Variants in HECW2 observed in about 807,000 individuals in gnomAD.
HECW2 encodes E3 ubiquitin-protein ligase HECW2.
A neutral mutation model predicts 175.2 loss-of-function variants in HECW2; 61 were observed. The ratio of observed to expected loss-of-function variants is 0.35; its 90% CI spans 0.28 to 0.43. The LOEUF is 0.43. Ranked by LOEUF, HECW2 falls within the 20% of genes least tolerant of loss-of-function variation. The probability of loss-of-function intolerance (pLI) is 1.00; values close to 1 mark genes in which losing one functional copy is unlikely to be tolerated. For synonymous variants in HECW2, 671 were observed against 731.0 expected (o/e 0.92, Z 1.32); for missense variants, 1,524 against 2,000.5 (o/e 0.76, Z 4.54).
At chr2:196,395,391 A>C (rs6754939) in intron 2 of HECW2, among the ~76,000 whole-genome samples, 1 of 152,048 alleles carries the variant, frequency 6.6e-6, no homozygotes, top group East Asian at 1.9e-4. Flanking sequence ...ACTCTTGTAC[A>C]TCAAAAAACA....
At chr2:196,459,831 C>T (rs567175831) in intron 1 of HECW2, among the ~76,000 whole-genome samples, 22 of 152,226 alleles carry the variant, frequency 1.4e-4, no homozygotes, top group African/African-American at 4.8e-4. Flanking sequence ...GTCAGAGATC[C>T]GAAAATTCCA....
At chr2:196,572,872 T>G (rs76760507) in intron 1 of HECW2, among the ~76,000 whole-genome samples, 20,497 of 152,222 alleles carry the variant, frequency 0.13, 1,483 homozygotes, top group Middle Eastern at 0.24. Flanking sequence ...CACTCTGATC[T>G]TGGTTGTCCA....
chr2:196,481,516 C>T (rs1435223794), intron 1 of HECW2, among the ~76,000 whole-genome samples: 2 of 152,344 alleles, frequency 1.3e-5, no homozygotes, highest in East Asian at 3.9e-4. Context: ...AGAGATCTCA[C>T]AGAGTATTGC....
At chr2:196,347,621 G>A (rs138222445) in intron 2 of HECW2, among the ~76,000 whole-genome samples, 8 of 152,262 alleles carry the variant, frequency 5.3e-5, no homozygotes, top group East Asian at 3.9e-4. Context: ...TTCCATATAC[G>A]ACAAAAAATG....
At chr2:196,474,677 T>C (rs538799809) in intron 1 of HECW2, among the ~76,000 whole-genome samples, 5 of 152,224 alleles carry the variant, frequency 3.3e-5, no homozygotes, top group Non-Finnish European at 7.3e-5. Flanking sequence ...TGTCATTTCA[T>C]ATCTGACAAT....
At chr2:196,476,177 C>T (rs186578485) in intron 1 of HECW2, among the ~76,000 whole-genome samples, 164 of 151,670 alleles carry the variant, frequency 1.1e-3, no homozygotes, top group Middle Eastern at 3.4e-3. Context: ...GGAGCAGTGG[C>T]TCATGCCTGT....
chr2:196,487,905 C>T (rs1687061723), intron 1 of HECW2, among the ~76,000 whole-genome samples: 1 of 152,154 alleles, frequency 6.6e-6, no homozygotes, highest in South Asian at 2.1e-4. Flanking sequence ...TCTTTCAGGA[C>T]ATTTCTATTT....
intron 22 of HECW2, among the ~76,000 whole-genome samples, chr2:196,226,767 T>G (rs1687866485): frequency 6.6e-6 from 1 of 152,188 alleles, no homozygotes; most frequent in Admixed American, 6.5e-5. Context: ...CCTATCCCTA[T>G]TCTCTCTCAA....
chr2:196,240,578 C>T lies in HECW2; in HGVS notation c.3651-16G>A. The T allele has an allele frequency of 1.3e-6, 2 of 1,566,610 alleles. No homozygotes were observed. Among genetic ancestry groups the T allele is most frequent in the Non-Finnish European group, 1.7e-6 (2 of 1,161,940 alleles). ...GATAATTAACCTGTCCATAAAGAGACAATTTAGAAAATACAAATTATTACT... is the reference window on the plus strand; with the variant it reads ...GATAATTAACCTGTCCATAAAGAGATAATTTAGAAAATACAAATTATTACT... On this transcript the variant is annotated splice_polypyrimidine_tract_variant and intron_variant, in intron 20 of 28. Transcript: ENST00000644978.
chr2:196,421,616 A>C (rs1395782745), intron 2 of HECW2, among the ~76,000 whole-genome samples: 1 of 152,234 alleles, frequency 6.6e-6, no homozygotes, highest in African/African-American at 2.4e-5. Flanking sequence ...ATCAGAACAA[A>C]GAATTTCTAA....
intron 17 of HECW2, chr2:196,258,130 G>A (rs1196418002): frequency 3.9e-6 from 2 of 515,754 alleles, no homozygotes; most frequent in African/African-American, 3.8e-5. Context: ...ATGTTGTGGG[G>A]AGAAAGATTC....
chr2:196,567,120 T>G (rs1690216576), intron 1 of HECW2, among the ~76,000 whole-genome samples: 1 of 152,190 alleles, frequency 6.6e-6, no homozygotes, highest in African/African-American at 2.4e-5. Flanking sequence ...CATCTTGTGC[T>G]TCCCTCTGTT....
At chr2:196,317,460 G>T in intron 9 of HECW2, 91 bp from the exon 10 acceptor site, 1 of 921,868 alleles carries the variant, frequency 1.1e-6, no homozygotes. Context: ...AATTCCCAAG[G>T]CTAGTTTCTT....
rs1206805436 is a variant in HECW2, at chr2:196,329,651, C to T, written c.496-1G>A. ...CTCCCTCCATGCCTTCTGCCCCCATCTGAAAAGAAAAAACATGCATCTGAA... is the reference window on the plus strand; with the variant it reads ...CTCCCTCCATGCCTTCTGCCCCCATTTGAAAAGAAAAAACATGCATCTGAA... On this transcript the variant is annotated splice_acceptor_variant, in intron 4 of 28. Coordinates refer to ENST00000644978, the MANE Select transcript of HECW2 (RefSeq NM_001348768.2). LOFTEE classifies it high-confidence loss of function. The T allele has an allele frequency of 6.2e-7, 1 of 1,613,224 alleles. No individual in the cohort carries two copies. The highest frequency in any genetic ancestry group is 1.7e-5 in the Admixed American group (1 of 60,010).
At chr2:196,252,172 G>A (rs1252206613) in intron 19 of HECW2, among the ~76,000 whole-genome samples, 2 of 40,258 alleles carry the variant, frequency 5.0e-5, no homozygotes, top group African/African-American at 1.3e-4. Context: ...GTGTGACTCC[G>A]ATTCAAAATA....
intron 10 of HECW2, chr2:196,316,054 T>C (rs1167061741): frequency 1.3e-5 from 2 of 152,264 alleles, no homozygotes; most frequent in African/African-American, 4.8e-5. Context: ...GGTTTACCAA[T>C]TGTTTTATCA....
At chr2:196,297,883 T>C (rs370449527) in intron 13 of HECW2, among the ~76,000 whole-genome samples, 5 of 152,328 alleles carry the variant, frequency 3.3e-5, no homozygotes, top group East Asian at 3.9e-4. Flanking sequence ...TCTGTCTTCA[T>C]AATATTTTTA....
chr2:196,282,500 T>C (rs940119072), intron 14 of HECW2, among the ~76,000 whole-genome samples: 1 of 151,902 alleles, frequency 6.6e-6, no homozygotes, highest in African/African-American at 2.4e-5. Flanking sequence ...CAAAAACACA[T>C]GCAAGATATA....
At chr2:196,352,466 C>G (rs1271064614) in intron 2 of HECW2, among the ~76,000 whole-genome samples, 1 of 152,148 alleles carries the variant, frequency 6.6e-6, no homozygotes, top group Non-Finnish European at 1.5e-5. Context: ...CTCATCACTG[C>G]CCTGGAAAGG....
Sources: gnomAD v4.1 joint callset for allele counts (sites outside exome capture counted in the v4.1 genomes callset) on GRCh38, gnomAD v4.1.1 for gene constraint, MANE v1.5 for transcripts, NCBI Gene and HGNC (gene_info 2026-07-23, HGNC 2026-07-21) for gene names.